Variants in SPATA31D1 observed in about 807,000 individuals in gnomAD.
SPATA31D1 encodes the protein SPATA31 subfamily D member 1, also known as spermatogenesis-associated protein 31D1.
A neutral mutation model predicts 13.2 loss-of-function variants in SPATA31D1; 6 were observed. The ratio of observed to expected loss-of-function variants is 0.46; its 90% CI spans 0.25 to 0.90. The LOEUF is 0.90. Ranked by LOEUF, SPATA31D1 falls within the 40% of genes least tolerant of loss-of-function variation. SPATA31D1 has a pLI of 0.18. For missense variants in SPATA31D1, 2,445 were observed against 1,884.7 expected, an observed-to-expected ratio of 1.30 and a Z score of -5.50; for synonymous variants, 903 against 718.8, an observed-to-expected ratio of 1.26 and a Z score of -4.10.
upstream of SPATA31D1, among the ~76,000 whole-genome samples, chr9:81,987,960 A>C (rs1019472794): frequency 6.6e-6 from 1 of 152,160 alleles, no homozygotes; most frequent in African/African-American, 2.4e-5. Context: ...CTCCCCACAA[A>C]TGTGCACATG....
rs371750285 is a variant in SPATA31D1, at chr9:81,994,862, C to A, written c.4392C>A (p.Pro1464=). 13 of 1,613,876 alleles carry A rather than the reference C, an allele frequency of 8.1e-6. 2 individuals carry two copies. In the South Asian group the frequency reaches 1.3e-4, roughly 16 times the overall value. Residue 1464 remains proline (P), a synonymous_variant, in exon 4 of 4, where the codon CCC becomes CCA. Transcript: ENST00000344803. ...VQGCPCNYRA[P]SCKVTRTKSC... The stretch of plus-strand genomic sequence containing the variant: ...GCTGTCCCTGCAACTACAGGGCTCC[C>A]TCCTGCAAAGTGACACGTACCAAAT...
Position 81,992,570 on chromosome 9 carries a change from G to T in SPATA31D1, c.2100G>T (p.Trp700Cys). Residue 700 changes from tryptophan (W) to cysteine (C), a missense_variant, in exon 4 of 4, where the codon TGG becomes TGT. By Grantham distance (215) the Trp-to-Cys change is radical. Coordinates refer to ENST00000344803, the MANE Select transcript of SPATA31D1 (RefSeq NM_001001670.3). ...GAAGGAGGCTCATCCAGCGCAGATG[G>T]GGCCTGCCCCGCAGAATCCATGAGT... The part of the protein sequence containing the change: ...HIRRRLIQRR[W>C]GLPRRIHESL... The T allele has an allele frequency of 6.2e-7, 1 of 1,612,088 alleles. No homozygotes were observed.
In SPATA31D1 at chr9:81,993,881, A is replaced by C; in HGVS notation, c.3411A>C (p.Val1137=). The C allele has an allele frequency of 6.2e-7, 1 of 1,614,038 alleles. No homozygotes were observed. Among genetic ancestry groups the C allele is most frequent in the South Asian group, 1.1e-5 (1 of 91,090 alleles). The change falls in exon 4 of 4, where the codon GTA becomes GTC. Residue 1137 remains valine (V), a synonymous_variant. Coordinates refer to ENST00000344803, the MANE Select transcript of SPATA31D1 (RefSeq NM_001001670.3). ...WDKRKSSFHN[V]DRLQGSRKTF... ...AGAGAAAGAGTTCCTTTCATAATGT[A>C]GACAGGCTTCAGGGCAGTAGAAAGA...
chr9:81,995,212 G>C lies in SPATA31D1; in HGVS notation c.*11G>C, dbSNP rs144243790. 17 of 1,495,430 alleles carry C rather than the reference G, an allele frequency of 1.1e-5. No individual in the cohort carries two copies. The highest frequency in any genetic ancestry group is 1.5e-5 in the Non-Finnish European group (17 of 1,121,504). 92.6% of individuals were successfully genotyped at this position (1,495,430 alleles called of 1,614,324 possible). A position where few individuals can be genotyped will look rare whatever the true frequency, so the allele number is the denominator to read the frequency against. On this transcript the variant is annotated 3_prime_UTR_variant, in exon 4 of 4. Coordinates refer to ENST00000344803, the MANE Select transcript of SPATA31D1 (RefSeq NM_001001670.3). ...CCCCCCACAAAATAATTCACTCCTT[G>C]TTGAGAATCTTGATTCTCCCCAATA...
At position 81,993,949 on chromosome 9, in the gene SPATA31D1, A is replaced by G; in HGVS notation, c.3479A>G (p.Asn1160Ser). ...TNALQSQTRNNLTTSKSGSCS... is the reference protein window; with the variant it reads ...TNALQSQTRNSLTTSKSGSCS... ...GCTCTTCAATCACAAACTAGGAACA[A>G]CTTGACAACCAGCAAGTCAGGAAGC... The change falls in exon 4 of 4, where the codon AAC becomes AGC. Residue 1160 changes from asparagine to serine, a missense_variant. Physicochemically the swap from Asn to Ser is conservative, Grantham distance 46. Transcript: ENST00000344803. 5 of 1,613,932 alleles carry G rather than the reference A, an allele frequency of 3.1e-6. No individual in the cohort carries two copies. Among genetic ancestry groups the G allele is most frequent in the Non-Finnish European group, 4.2e-6 (5 of 1,179,806 alleles).
chr9:81,993,816 C>T lies in SPATA31D1; in HGVS notation c.3346C>T (p.Pro1116Ser), dbSNP rs749378624. ...VLASRCSAEL[P>S]IMQAGAGCES... Reference sequence around the variant, plus strand: ...GGCCAGTAGATGCAGCGCAGAGCTGCCCATAATGCAAGCTGGAGCTGGCTG... The same window carrying T: ...GGCCAGTAGATGCAGCGCAGAGCTGTCCATAATGCAAGCTGGAGCTGGCTG... Residue 1116 changes from proline (P) to serine (S), a missense_variant, in exon 4 of 4, where the codon CCC (proline) becomes TCC (serine). By Grantham distance (74) the Pro-to-Ser change is moderately conservative. Coordinates refer to ENST00000344803, the MANE Select transcript of SPATA31D1 (RefSeq NM_001001670.3). 3.3e-5 allele frequency: 54 copies of T among 1,613,878 alleles called. No homozygotes were observed. Among genetic ancestry groups the T allele is most frequent in the Non-Finnish European group, 4.5e-5 (53 of 1,179,900 alleles).
rs749832884 is a variant in SPATA31D1 at position 81,992,719 on chromosome 9, C to T, written c.2249C>T (p.Ser750Leu). The T allele has an allele frequency of 6.2e-7, 1 of 1,613,798 alleles. No individual in the cohort carries two copies. The highest frequency in any genetic ancestry group is 8.5e-7 in the Non-Finnish European group (1 of 1,179,720). ...TGCAATGTTCTAAAGAAGTCCGCAT[C>T]AAGCTTCCCTAGAAGCTTCCACGAG... ...QRCNVLKKSASSFPRSFHERS... is the reference protein window; with the variant it reads ...QRCNVLKKSALSFPRSFHERS... The change falls in exon 4 of 4, where the codon TCA (serine) becomes TTA (leucine). Residue 750 changes from serine (S) to leucine (L), a missense_variant. Transcript: ENST00000344803.
At position 81,992,123 on chromosome 9, in the gene SPATA31D1, A is replaced by T; in HGVS notation, c.1653A>T (p.Gln551His). 1 of 1,613,320 alleles carries T rather than the reference A, an allele frequency of 6.2e-7. No individual in the cohort carries two copies. Residue 551 changes from glutamine to histidine, a missense_variant, in exon 4 of 4, where the codon CAA (glutamine) becomes CAT (histidine). Coordinates refer to ENST00000344803, the MANE Select transcript of SPATA31D1 (RefSeq NM_001001670.3). ...SHESPVLPPPQPLSLPSTQPL... is the reference protein window; with the variant it reads ...SHESPVLPPPHPLSLPSTQPL... The stretch of plus-strand genomic sequence containing the variant: ...AATCCCCAGTACTTCCCCCTCCCCA[A>T]CCTCTGTCCTTGCCTAGTACCCAAC...
chr9:81,994,221 A>G lies in SPATA31D1; in HGVS notation c.3751A>G (p.Thr1251Ala). The stretch of plus-strand genomic sequence containing the variant: ...GGGCATCTCGAGTGGGGACATGGGA[A>G]CTTCCCAGGTGGTGCATGTCCACTT... ...SQGISSGDMG[T>A]SQVVHVHLED... is the part of the protein sequence containing the mutation. The change falls in exon 4 of 4, where the codon ACT (threonine) becomes GCT (alanine). Residue 1251 changes from threonine to alanine, a missense_variant. Coordinates refer to ENST00000344803, the MANE Select transcript of SPATA31D1 (RefSeq NM_001001670.3). The G allele has an allele frequency of 6.2e-7, 1 of 1,613,984 alleles. No individual in the cohort carries two copies. The highest frequency in any genetic ancestry group is 8.5e-7 in the Non-Finnish European group (1 of 1,179,884).
At position 81,994,956 on chromosome 9, in the gene SPATA31D1, G is replaced by A; in HGVS notation, c.4486G>A (p.Asp1496Asn). The A allele has an allele frequency of 6.2e-7, 1 of 1,613,964 alleles. No homozygotes were observed. Among genetic ancestry groups the A allele is most frequent in the South Asian group, 1.1e-5 (1 of 91,086 alleles). ...AAGGATTAGACAGATCATAGACAAG[G>A]ACAGACAGCCCCAGAAAGTTGAGGC... ...PTRIRQIIDK[D>N]RQPQKVEAFK... Residue 1496 changes from aspartate to asparagine, a missense_variant, in exon 4 of 4, where the codon GAC becomes AAC. By Grantham distance (23) the Asp-to-Asn change is conservative. Transcript: ENST00000344803.
At position 81,991,290 on chromosome 9, in the gene SPATA31D1, T is replaced by C; in HGVS notation, c.820T>C (p.Phe274Leu). 1 of 1,614,040 alleles carries C rather than the reference T, an allele frequency of 6.2e-7. No homozygotes were observed. The highest frequency in any genetic ancestry group is 8.5e-7 in the Non-Finnish European group (1 of 1,179,898). Residue 274 changes from phenylalanine to leucine, a missense_variant, in exon 4 of 4, where the codon TTT becomes CTT. Coordinates refer to ENST00000344803, the MANE Select transcript of SPATA31D1 (RefSeq NM_001001670.3). ...ASLSLNTIFS[F>L]GSTLCQDISQ... ...TTTGTCTCTGAACACCATCTTTTCA[T>C]TTGGCTCCACCCTATGCCAAGATAT...
chr9:81,992,049 T>G lies in SPATA31D1; in HGVS notation c.1579T>G (p.Ser527Ala). Residue 527 changes from serine (S) to alanine (A), a missense_variant, in exon 4 of 4, where the codon TCC becomes GCC. Physicochemically the swap from Ser to Ala is moderately conservative, Grantham distance 99. Coordinates refer to ENST00000344803, the MANE Select transcript of SPATA31D1 (RefSeq NM_001001670.3). The part of the protein sequence containing the change: ...PTVLVQRGHS[S>A]MFVFFNGITN... ...TGTTCTTGTCCAACGTGGCCATTCC[T>G]CCATGTTTGTATTCTTCAATGGCAT... is the stretch of plus-strand genomic sequence containing the variant. 1 of 1,613,784 alleles carries G rather than the reference T, an allele frequency of 6.2e-7. No homozygotes were observed.
Position 81,991,988 on chromosome 9 carries a change from T to A in SPATA31D1, c.1518T>A (p.Gly506=). 6.2e-7 allele frequency: 1 copy of A among 1,613,618 alleles called. No individual in the cohort carries two copies. Among genetic ancestry groups the A allele is most frequent in the Non-Finnish European group, 8.5e-7 (1 of 1,179,694 alleles). The stretch of plus-strand genomic sequence containing the variant: ...AAAAATATGTCCAGCTCTTCTGGGG[T>A]CTCCCATCTTTGCACAGCGAGTCTC... ...LEQKYVQLFW[G]LPSLHSESLH... is the part of the protein sequence containing the mutation. Residue 506 remains glycine (G), a synonymous_variant, in exon 4 of 4, where the codon GGT becomes GGA. Transcript: ENST00000344803.
In SPATA31D1 at chr9:81,993,252, A is replaced by T. The variant is rs888563273; in HGVS notation, c.2782A>T (p.Ile928Phe). Residue 928 changes from isoleucine (I) to phenylalanine (F), a missense_variant, in exon 4 of 4, where the codon ATC (isoleucine) becomes TTC (phenylalanine). Transcript: ENST00000344803. The stretch of plus-strand genomic sequence containing the variant: ...CCTCAAGGTCCTTGAATCCATAGAA[A>T]TCTTCAAATCGAAAGCGGACCTTTC... ...LPLKVLESIEIFKSKADLSTS... is the reference protein window; with the variant it reads ...LPLKVLESIEFFKSKADLSTS... 2 of 1,613,836 alleles carry T rather than the reference A, an allele frequency of 1.2e-6. No homozygotes were observed. Among genetic ancestry groups the T allele is most frequent in the Admixed American group, 3.3e-5 (2 of 60,002 alleles).
At position 81,992,149 on chromosome 9, in the gene SPATA31D1, C is replaced by T; in HGVS notation, c.1679C>T (p.Pro560Leu). The stretch of plus-strand genomic sequence containing the variant: ...CCTCTGTCCTTGCCTAGTACCCAAC[C>T]ACTACCCTTGCCTCAAACCCTGCCC... ...PQPLSLPSTQ[P>L]LPLPQTLPQG... Residue 560 changes from proline to leucine, a missense_variant, in exon 4 of 4, where the codon CCA becomes CTA. By Grantham distance (98) the Pro-to-Leu change is moderately conservative. Transcript: ENST00000344803. 1 of 1,613,748 alleles carries T rather than the reference C, an allele frequency of 6.2e-7. No homozygotes were observed. Among genetic ancestry groups the T allele is most frequent in the Non-Finnish European group, 8.5e-7 (1 of 1,179,720 alleles).
chr9:81,994,980 G>A lies in SPATA31D1; in HGVS notation c.4510G>A (p.Ala1504Thr). 1 of 1,613,948 alleles carries A rather than the reference G, an allele frequency of 6.2e-7. No individual in the cohort carries two copies. Among genetic ancestry groups the A allele is most frequent in the Non-Finnish European group, 8.5e-7 (1 of 1,179,868 alleles). The change falls in exon 4 of 4, where the codon GCA (alanine) becomes ACA (threonine). Residue 1504 changes from alanine to threonine, a missense_variant. Physicochemically the swap from Ala to Thr is moderately conservative, Grantham distance 58. Coordinates refer to ENST00000344803, the MANE Select transcript of SPATA31D1 (RefSeq NM_001001670.3). The part of the protein sequence containing the change: ...DKDRQPQKVE[A>T]FKGKILCQSH... Reference sequence around the variant, plus strand: ...GGACAGACAGCCCCAGAAAGTTGAGGCATTTAAGGGGAAGATACTGTGTCA... The same window carrying A: ...GGACAGACAGCCCCAGAAAGTTGAGACATTTAAGGGGAAGATACTGTGTCA...
chr9:81,988,857 G>A lies in SPATA31D1; in HGVS notation c.39G>A (p.Glu13=). The A allele has an allele frequency of 6.2e-7, 1 of 1,612,930 alleles. No individual in the cohort carries two copies. Among genetic ancestry groups the A allele is most frequent in the Non-Finnish European group, 8.5e-7 (1 of 1,179,718 alleles). Residue 13 remains glutamate (E), a synonymous_variant, in exon 1 of 4, where the codon GAG becomes GAA. Transcript: ENST00000344803. ...TCTGTTTTCTGAACAGCTATACTGA[G>A]ACAGGGCTGAGCCCTGACTCACATT... ...NILCFLNSYT[E]TGLSPDSHWL... is the part of the protein sequence containing the mutation.
At position 81,992,067 on chromosome 9, in the gene SPATA31D1, A is replaced by C. The variant is rs529659769; in HGVS notation, c.1597A>C (p.Asn533His). The change falls in exon 4 of 4, where the codon AAT (asparagine) becomes CAT (histidine). Residue 533 changes from asparagine (N) to histidine (H), a missense_variant. Asn to His is a moderately conservative substitution (Grantham distance 68). Transcript: ENST00000344803. The stretch of plus-strand genomic sequence containing the variant: ...CCATTCCTCCATGTTTGTATTCTTC[A>C]ATGGCATTACAAATACATCTATATC... ...RGHSSMFVFF[N>H]GITNTSISHE... is the part of the protein sequence containing the mutation. 29 of 1,613,632 alleles carry C rather than the reference A, an allele frequency of 1.8e-5. No individual in the cohort carries two copies. Among genetic ancestry groups the C allele is most frequent in the Non-Finnish European group, 2.4e-5 (28 of 1,179,722 alleles).
rs1824962590 is a variant in SPATA31D1, at chr9:81,991,507, T to C, written c.1037T>C (p.Ile346Thr). The stretch of plus-strand genomic sequence containing the variant: ...ACCTCTGCCCCAACAATCAAAGGCA[T>C]TGACCATTCACACCTTGCATCTTCA... ...SSTSAPTIKGIDHSHLASSEF... is the reference protein window; with the variant it reads ...SSTSAPTIKGTDHSHLASSEF... Residue 346 changes from isoleucine (I) to threonine (T), a missense_variant, in exon 4 of 4, where the codon ATT (isoleucine) becomes ACT (threonine). By Grantham distance (89) the Ile-to-Thr change is moderately conservative. Transcript: ENST00000344803. The C allele has an allele frequency of 6.2e-7, 1 of 1,613,920 alleles. No individual in the cohort carries two copies. The highest frequency in any genetic ancestry group is 2.2e-5 in the East Asian group (1 of 44,888).
Sources: allele counts gnomAD v4.1 joint callset (sites outside exome capture counted in the v4.1 genomes callset), GRCh38; gene constraint gnomAD v4.1.1; transcripts MANE v1.5; gene names NCBI Gene and HGNC (gene_info 2026-07-23, HGNC 2026-07-21).